VSTM5: variants seen among roughly 807,000 people sequenced by gnomAD.
VSTM5 encodes V-set and transmembrane domain-containing protein 5.
Under a neutral mutation model 20.3 loss-of-function variants are expected in VSTM5, and 21 were observed. That is an observed-to-expected ratio of 1.03 (90% confidence interval 0.73 to 1.49). VSTM5 has a LOEUF of 1.49. Among genes scored for constraint, VSTM5 ranks in the 40% most tolerant of loss-of-function variants. The pLI is 0.00. For missense variants in VSTM5, 219 were observed against 250.0 expected (o/e 0.88, Z 0.84); for synonymous variants, 100 against 102.5 (o/e 0.98, Z 0.14).
intron 1 of VSTM5, among the ~76,000 whole-genome samples, chr11:93,849,792 C>A (rs540549066): frequency 6.6e-6 from 1 of 152,214 alleles, no homozygotes; most frequent in African/African-American, 2.4e-5. Flanking sequence ...CTGGGGATTC[C>A]GGGTCCGGCC....
Position 93,850,547 on chromosome 11 carries a change from C to A in VSTM5, c.-45G>T, listed in dbSNP as rs1381983735. On this transcript the variant is annotated 5_prime_UTR_variant, in exon 1 of 4. Coordinates refer to ENST00000409977, the MANE Select transcript of VSTM5 (RefSeq NM_001144871.2). ...CGGGCCGGGGTGTGTGCTGGCCGCA[C>A]CGCGCTGCAGCTCCTATGCAGCCTT... 6.9e-7 allele frequency: 1 copy of A among 1,450,322 alleles called. No homozygotes were observed. Among genetic ancestry groups the A allele is most frequent in the Admixed American group, 2.1e-5 (1 of 46,916 alleles). 89.8% of individuals were successfully genotyped at this position (1,450,322 alleles called of 1,614,324 possible). A position where few individuals can be genotyped will look rare whatever the true frequency, so the allele number is the denominator to read the frequency against.
chr11:93,835,309 G>T (rs1199586785), intron 1 of VSTM5, among the ~76,000 whole-genome samples: 1 of 152,058 alleles, frequency 6.6e-6, no homozygotes, highest in Non-Finnish European at 1.5e-5. Flanking sequence ...TGTAGTTGCA[G>T]CTACTCAGGA....
At chr11:93,846,527 C>T (rs1944411567) in intron 1 of VSTM5, among the ~76,000 whole-genome samples, 1 of 152,340 alleles carries the variant, frequency 6.6e-6, no homozygotes, top group East Asian at 1.9e-4. Context: ...GCACTGCACA[C>T]ATCACCCTGT....
At chr11:93,824,206 C>G (rs1944214563) in intron 1 of VSTM5, among the ~76,000 whole-genome samples, 1 of 152,150 alleles carries the variant, frequency 6.6e-6, no homozygotes, top group Non-Finnish European at 1.5e-5. Flanking sequence ...CCATGCCCGG[C>G]TATTACTTCT....
chr11:93,820,730 C>T lies in VSTM5; in HGVS notation c.559+13G>A, dbSNP rs780039157. 133 of 1,551,542 alleles carry T rather than the reference C, an allele frequency of 8.6e-5. No individual in the cohort carries two copies. The highest frequency in any genetic ancestry group is 1.1e-4 in the Non-Finnish European group (124 of 1,146,990). On this transcript the variant is annotated intron_variant, in intron 3 of 3. Transcript: ENST00000409977. ...AAACCACTCATGGATTATCACAAGG[C>T]CCAGGGGGTTACCTTTGAGTTTGTG...
Position 93,818,422 on chromosome 11 carries a change from A to G in VSTM5, c.*2147T>C, listed in dbSNP as rs182701900. ...CAGTATGGCAGAGCTTTAAAAATTC[A>G]AAAGAAACCCTTTTTTCAAAGAAAT... On this transcript the variant is annotated 3_prime_UTR_variant, in exon 4 of 4. Coordinates refer to ENST00000409977, the MANE Select transcript of VSTM5 (RefSeq NM_001144871.2). The G allele has an allele frequency of 2.2e-4, 34 of 152,164 alleles. 1 individual carries two copies. In the East Asian group the frequency reaches 6.6e-3, roughly 29 times the overall value. 9.4% of individuals were successfully genotyped at this position (152,164 alleles called of 1,614,324 possible).
At chr11:93,847,030 G>T (rs180806345) in intron 1 of VSTM5, among the ~76,000 whole-genome samples, 614 of 152,260 alleles carry the variant, frequency 4.0e-3, no homozygotes, top group Non-Finnish European at 6.9e-3. Context: ...CTCCCAAAGT[G>T]CTGGGATTAC....
At chr11:93,841,833 G>C (rs189212785) in intron 1 of VSTM5, among the ~76,000 whole-genome samples, 1 of 152,180 alleles carries the variant, frequency 6.6e-6, no homozygotes, top group East Asian at 1.9e-4. Context: ...ACAGAACCAG[G>C]GTCAATGGAT....
chr11:93,839,547 AT>A (rs1190937460), intron 1 of VSTM5, among the ~76,000 whole-genome samples: 3 of 152,236 alleles, frequency 2.0e-5, no homozygotes, highest in African/African-American at 7.2e-5. Flanking sequence ...AACTCAGAGT[AT>A]GACACGCAGT....
intron 1 of VSTM5, among the ~76,000 whole-genome samples, chr11:93,849,827 G>T (rs770034294): frequency 2.6e-5 from 4 of 152,220 alleles, no homozygotes; most frequent in African/African-American, 4.8e-5. Flanking sequence ...TACTCAGTGC[G>T]CTGGTCGCGA....
chr11:93,829,089 G>A (rs1439014610), intron 1 of VSTM5, among the ~76,000 whole-genome samples: 3 of 152,168 alleles, frequency 2.0e-5, no homozygotes, highest in East Asian at 1.9e-4. Flanking sequence ...TCCAGGAGCC[G>A]CAGCCCCCAC....
chr11:93,837,069 T>C (rs1381705056), intron 1 of VSTM5, among the ~76,000 whole-genome samples: 4 of 151,616 alleles, frequency 2.6e-5, no homozygotes, highest in Admixed American at 1.3e-4. Flanking sequence ...TCTTGCTCTG[T>C]TGCCCAGGCT....
intron 1 of VSTM5, among the ~76,000 whole-genome samples, chr11:93,831,242 A>C (rs634325): frequency 2.6e-5 from 4 of 151,774 alleles, no homozygotes; most frequent in Admixed American, 6.6e-5. Context: ...GTGTTCAGGC[A>C]GGTCTCGAAC....
intron 1 of VSTM5, among the ~76,000 whole-genome samples, chr11:93,829,643 C>A (rs114978332): frequency 9.2e-4 from 140 of 152,288 alleles, no homozygotes; most frequent in African/African-American, 3.3e-3. Context: ...AGGCAGCCAG[C>A]CCTGACAGGC....
intron 1 of VSTM5, among the ~76,000 whole-genome samples, chr11:93,839,714 A>C (rs1055316269): frequency 1.3e-5 from 2 of 152,200 alleles, no homozygotes; most frequent in East Asian, 3.8e-4. Flanking sequence ...GGTTGGTTCC[A>C]TTCAGACCTG....
At chr11:93,844,109 G>A (rs1297658562) in intron 1 of VSTM5, among the ~76,000 whole-genome samples, 1 of 152,214 alleles carries the variant, frequency 6.6e-6, no homozygotes, top group Non-Finnish European at 1.5e-5. Flanking sequence ...CCAGCACACA[G>A]CAGTATGTGA....
intron 1 of VSTM5, among the ~76,000 whole-genome samples, chr11:93,838,228 T>G (rs1435658417): frequency 2.0e-5 from 3 of 152,102 alleles, no homozygotes; most frequent in East Asian, 1.9e-4. Context: ...TCCCAGCACT[T>G]TAGGAGGCCT....
chr11:93,820,888 G>A lies in VSTM5; in HGVS notation c.419-5C>T. The A allele has an allele frequency of 6.4e-7, 1 of 1,550,810 alleles. No homozygotes were observed. Among genetic ancestry groups the A allele is most frequent in the Non-Finnish European group, 8.7e-7 (1 of 1,146,982 alleles). On this transcript the variant is annotated splice_region_variant and splice_polypyrimidine_tract_variant and intron_variant, in intron 2 of 3. Transcript: ENST00000409977. ...GCAGGTCTTCATAGAGGATCTCTAT[G>A]GAGTGAGGGTGAGGGGAGGGGGAAG...
intron 1 of VSTM5, 60 bp downstream of exon 1, chr11:93,850,352 G>A (rs1180357493): frequency 7.7e-7 from 1 of 1,303,636 alleles, no homozygotes; most frequent in South Asian, 1.3e-5. Flanking sequence ...CCGGGGCCCC[G>A]CCCGTGCCCC....
Sources: gnomAD v4.1 joint callset for allele counts (sites outside exome capture counted in the v4.1 genomes callset) on GRCh38, gnomAD v4.1.1 for gene constraint, MANE v1.5 for transcripts, NCBI Gene and HGNC (gene_info 2026-07-23, HGNC 2026-07-21) for gene names.